WASF3: variants seen among roughly 807,000 people sequenced by gnomAD.
WASF3 encodes the protein actin-binding protein WASF3.
A neutral mutation model predicts 46.6 loss-of-function variants in WASF3; 11 were observed. The observed-to-expected ratio is 0.24, with a 90% CI of 0.15 to 0.39. WASF3 has a LOEUF of 0.39. Ranked by LOEUF, WASF3 falls within the 10% of genes least tolerant of loss-of-function variation. WASF3 has a pLI of 1.00. For missense variants in WASF3, 576 were observed against 669.8 expected, an observed-to-expected ratio of 0.86 and a Z score of 1.55; for synonymous variants, 242 against 259.7, an observed-to-expected ratio of 0.93 and a Z score of 0.65.
intron 2 of WASF3, among the ~76,000 whole-genome samples, chr13:26,639,078 T>TAA (rs1881917158): frequency 1.3e-5 from 2 of 152,182 alleles, no homozygotes; most frequent in Admixed American, 6.5e-5. Context: ...CCTCTTCTCT[T>TAA]TATAAACTAC....
At chr13:26,680,216 T>C (rs1883184956) in intron 7 of WASF3, 2 of 1,542,434 alleles carry the variant, frequency 1.3e-6, no homozygotes, top group Non-Finnish European at 1.7e-6. Context: ...GTTGTTTTGC[T>C]TTCTTTGGGT....
upstream of WASF3, among the ~76,000 whole-genome samples, chr13:26,555,260 T>C (rs1308266426): frequency 6.6e-6 from 1 of 152,170 alleles, no homozygotes; most frequent in Admixed American, 6.5e-5. Flanking sequence ...TGTTTTTTAA[T>C]TGACACCTGA....
intron 1 of WASF3, among the ~76,000 whole-genome samples, chr13:26,573,138 T>G (rs1427430955): frequency 6.6e-6 from 1 of 152,186 alleles, no homozygotes; most frequent in Non-Finnish European, 1.5e-5. Flanking sequence ...ATAACTTTTT[T>G]CAGTTCTTCT....
At chr13:26,661,753 T>C (rs1882637728) in intron 3 of WASF3, among the ~76,000 whole-genome samples, 1 of 152,248 alleles carries the variant, frequency 6.6e-6, no homozygotes, top group Non-Finnish European at 1.5e-5. Flanking sequence ...TTCTCCACAT[T>C]CTTACCAACA....
intron 1 of WASF3, among the ~76,000 whole-genome samples, chr13:26,586,796 A>C (rs993908586): frequency 1.3e-5 from 2 of 152,126 alleles, no homozygotes; most frequent in African/African-American, 4.8e-5. Context: ...ATGTTTTACT[A>C]TTTTATAGAT....
intron 1 of WASF3, among the ~76,000 whole-genome samples, chr13:26,593,141 C>T (rs1337127404): frequency 6.6e-6 from 1 of 152,094 alleles, no homozygotes; most frequent in East Asian, 1.9e-4. Context: ...GGGCGTTGTA[C>T]TGTAATGAAA....
chr13:26,561,372 G>A (rs965199857), intron 1 of WASF3, among the ~76,000 whole-genome samples: 25 of 152,036 alleles, frequency 1.6e-4, no homozygotes, highest in Admixed American at 5.9e-4. Flanking sequence ...GGAGTTCAGG[G>A]CAGTGTCCAG....
In WASF3 at chr13:26,679,464, C is replaced by T. The variant is rs1883162068; in HGVS notation, c.717-1590C>T. Among the ~76,000 whole-genome samples the T allele has an allele frequency of 6.6e-6, 1 of 152,190 alleles. No individual in the cohort carries two copies. Among genetic ancestry groups the T allele is most frequent in the Admixed American group, 6.5e-5 (1 of 15,284 alleles). ...TCTGGTTAGCCCCTTTTCCTTGCTT[C>T]CTTTCTACCCTGTGTTGCAAGGCTC... On this transcript the variant is annotated intron_variant, in intron 7 of 9. Transcript: ENST00000335327. This position sits in a 1 kb window ranked among gnomAD's most constrained non-coding sequence, Gnocchi z 4.8.
chr13:26,573,119 G>T (rs1879689417), intron 1 of WASF3, among the ~76,000 whole-genome samples: 1 of 151,974 alleles, frequency 6.6e-6, no homozygotes, highest in Admixed American at 6.6e-5. Flanking sequence ...TTTGGGGGAG[G>T]GTAGTTTGAT....
upstream of WASF3, among the ~76,000 whole-genome samples, chr13:26,554,094 TCC>T (rs1491087677): frequency 5.8e-5 from 7 of 121,204 alleles, no homozygotes; most frequent in South Asian, 2.8e-4. Flanking sequence ...CTTCCTTCCT[TCC>T]TTCTTTCTTT....
chr13:26,573,902 A>C (rs1334272329), intron 1 of WASF3, among the ~76,000 whole-genome samples: 4 of 152,164 alleles, frequency 2.6e-5, no homozygotes. Context: ...ACTTTACAGA[A>C]ATAAATCATT....
intron 7 of WASF3, among the ~76,000 whole-genome samples, chr13:26,677,852 T>A (rs1021192934): frequency 6.6e-6 from 1 of 152,232 alleles, no homozygotes; most frequent in Non-Finnish European, 1.5e-5. Flanking sequence ...TCTGCTTTTT[T>A]GTTTTTTTTC....
intron 1 of WASF3, among the ~76,000 whole-genome samples, chr13:26,565,387 G>A (rs1443696251): frequency 6.6e-6 from 1 of 151,974 alleles, no homozygotes; most frequent in Non-Finnish European, 1.5e-5. Context: ...GAATGGGAAG[G>A]AAGAGACTGA....
Position 26,573,610 on chromosome 13 carries a change from A to C in WASF3, c.-109+15791A>C, listed in dbSNP as rs1326393140. 7.9e-5 allele frequency among the ~76,000 whole-genome samples: 12 copies of C among 152,218 alleles called. No individual in the cohort carries two copies. In the South Asian group the frequency reaches 2.3e-3, roughly 29 times the overall value. ...TCCCTTTTCACCCAAGAGTTGTATA[A>C]ATTTTTAGGTGGAAAGGCTTTTTTG... On this transcript the variant is annotated intron_variant, in intron 1 of 9. Coordinates refer to ENST00000335327, the MANE Select transcript of WASF3 (RefSeq NM_006646.6).
At chr13:26,676,403 A>T (rs561136267) in intron 6 of WASF3, 146 bp from the exon 7 acceptor site, 1 of 817,488 alleles carries the variant, frequency 1.2e-6, no homozygotes, top group African/African-American at 1.7e-5. Context: ...ACTGCTTTAG[A>T]GTTTCTGTAA....
intron 6 of WASF3, among the ~76,000 whole-genome samples, chr13:26,674,746 A>G (rs886084472): frequency 6.6e-5 from 10 of 152,228 alleles, no homozygotes; most frequent in Admixed American, 2.6e-4. Context: ...TTAGGTGCAG[A>G]TAATTCTTCA....
chr13:26,637,928 C>T (rs1881878126), intron 2 of WASF3, among the ~76,000 whole-genome samples: 1 of 152,156 alleles, frequency 6.6e-6, no homozygotes, highest in Non-Finnish European at 1.5e-5. Context: ...AAGGTGGGAT[C>T]ACAGCTATAG....
At chr13:26,562,857 T>TCCTCCCTTCCCCTCCCCTCC (rs1555246648) in intron 1 of WASF3, among the ~76,000 whole-genome samples, 1 of 96,702 alleles carries the variant, frequency 1.0e-5, no homozygotes, top group African/African-American at 4.4e-5. Context: ...CCCTCCCCTC[T>TCCTCCCTTCCCCTCCCCTCC]CCTCCCCTCC....
intron 3 of WASF3, among the ~76,000 whole-genome samples, chr13:26,663,199 G>A (rs1239989717): frequency 2.0e-5 from 3 of 152,136 alleles, no homozygotes; most frequent in Non-Finnish European, 4.4e-5. Context: ...TTTTTAACAT[G>A]GGGATGCAGG....
Sources: allele counts gnomAD v4.1 joint callset (sites outside exome capture counted in the v4.1 genomes callset), GRCh38; gene constraint gnomAD v4.1.1; non-coding constraint Gnocchi (gnomAD v3.1); transcripts MANE v1.5; gene names NCBI Gene and HGNC (gene_info 2026-07-23, HGNC 2026-07-21).